VPS54: variants seen among roughly 807,000 people sequenced by gnomAD.
The protein encoded by VPS54 is vacuolar protein sorting-associated protein 54.
A neutral mutation model predicts 121.5 loss-of-function variants in VPS54; 45 were observed. The observed-to-expected ratio is 0.37, with a 90% confidence interval of 0.29 to 0.47. The LOEUF (loss-of-function observed/expected upper bound fraction) is 0.47, where lower values mean the gene tolerates loss of function less well. Among genes scored for constraint, VPS54 ranks in the 20% least tolerant of loss-of-function variants. VPS54 has a pLI of 0.99. For synonymous variants in VPS54, 371 were observed against 385.8 expected, an observed-to-expected ratio of 0.96 and a Z score of 0.45; for missense variants, 1,090 against 1,131.4, an observed-to-expected ratio of 0.96 and a Z score of 0.52.
chr2:63,975,439 C>A (rs900654826), intron 3 of VPS54: 5 of 160,234 alleles, frequency 3.1e-5, no homozygotes, highest in Non-Finnish European at 5.5e-5. Context: ...GTTTAGGAGT[C>A]GAGTCATGCA....
intron 1 of VPS54, among the ~76,000 whole-genome samples, chr2:63,986,067 T>G (rs1677037031): frequency 6.6e-6 from 1 of 152,194 alleles, no homozygotes. Context: ...CAAAAAACAT[T>G]TTTGAAACTT....
chr2:64,005,047 GT>G (rs1343233894), intron 1 of VPS54, among the ~76,000 whole-genome samples: 2 of 141,998 alleles, frequency 1.4e-5, no homozygotes, highest in East Asian at 4.5e-4. Context: ...CAGAGTGCTG[GT>G]ATTACAGGCA....
chr2:63,940,990 G>A (rs1674700095), intron 11 of VPS54, among the ~76,000 whole-genome samples: 1 of 152,158 alleles, frequency 6.6e-6, no homozygotes, highest in Admixed American at 6.5e-5. Flanking sequence ...TGATTGGAGA[G>A]CTTACACATG....
intron 1 of VPS54, among the ~76,000 whole-genome samples, chr2:64,002,489 T>C (rs950166757): frequency 6.6e-6 from 1 of 152,216 alleles, no homozygotes; most frequent in Non-Finnish European, 1.5e-5. Flanking sequence ...GTGGAAAATG[T>C]ATTTATGTTA....
Position 63,897,555 on chromosome 2 carries a change from G to C in VPS54, c.2769C>G (p.Leu923=), listed in dbSNP as rs773008076. The C allele has an allele frequency of 2.5e-6, 4 of 1,595,670 alleles. No individual in the cohort carries two copies. The highest frequency in any genetic ancestry group is 3.4e-6 in the Non-Finnish European group (4 of 1,171,152). ...AGTGAGATAACTGCTTTTTCAAGTG[G>C]AGTTTATAACTTGCATTAATTCTTA... ...LFLRINASYK[L]HLKKQLSHLN... Residue 923 remains leucine (L), a synonymous_variant, in exon 22 of 23, where the codon CTC becomes CTG. Transcript: ENST00000272322.
At chr2:63,998,512 T>A (rs1382787919) in intron 1 of VPS54, among the ~76,000 whole-genome samples, 1 of 152,152 alleles carries the variant, frequency 6.6e-6, no homozygotes, top group Admixed American at 6.5e-5. Context: ...TAAAGGTGAT[T>A]TTTTTCTGGT....
chr2:63,933,796 T>C lies in VPS54; in HGVS notation c.1616A>G (p.Asn539Ser). Residue 539 changes from asparagine to serine, a missense_variant, in exon 12 of 23, where the codon AAT becomes AGT. Physicochemically the swap from Asn to Ser is conservative, Grantham distance 46 (BLOSUM62 1). Coordinates refer to ENST00000272322, the MANE Select transcript of VPS54 (RefSeq NM_016516.3). ...PIAVDTTSQR[N>S]ASPNSEPCSS... Reference sequence around the variant, plus strand: ...GCAGGGCTCACTATTTGGAGATGCATTTCTTTGAGAGGTAGTGTCAACTGC... The same window carrying C: ...GCAGGGCTCACTATTTGGAGATGCACTTCTTTGAGAGGTAGTGTCAACTGC... 3 of 1,613,930 alleles carry C rather than the reference T, an allele frequency of 1.9e-6. No individual in the cohort carries two copies. Among genetic ancestry groups the C allele is most frequent in the Non-Finnish European group, 2.5e-6 (3 of 1,179,868 alleles).
At chr2:63,996,154 T>C (rs58198691) in intron 1 of VPS54, among the ~76,000 whole-genome samples, 11,084 of 152,254 alleles carry the variant, frequency 0.073, 855 homozygotes, top group African/African-American at 0.2. Context: ...TCAGGGACCC[T>C]GAACGGAGGG....
intron 1 of VPS54, among the ~76,000 whole-genome samples, chr2:64,002,856 T>C (rs1677951088): frequency 6.6e-6 from 1 of 152,318 alleles, no homozygotes; most frequent in African/African-American, 2.4e-5. Context: ...AGTCCCAGTT[T>C]CCAAACATTT....
intron 12 of VPS54, among the ~76,000 whole-genome samples, chr2:63,923,567 T>A (rs896855699): frequency 6.6e-6 from 1 of 152,208 alleles, no homozygotes; most frequent in African/African-American, 2.4e-5. Flanking sequence ...TATATACATA[T>A]ACATCTTGTA....
intron 4 of VPS54, among the ~76,000 whole-genome samples, chr2:63,971,433 A>G (rs1308529417): frequency 6.6e-6 from 1 of 152,208 alleles, no homozygotes; most frequent in Non-Finnish European, 1.5e-5. Context: ...GTTCTTCATG[A>G]TCTGACCACT....
intron 12 of VPS54, among the ~76,000 whole-genome samples, chr2:63,927,094 G>C (rs1307615728): frequency 6.6e-6 from 1 of 152,168 alleles, no homozygotes. Flanking sequence ...CTGAACAAAA[G>C]GCAGCAGACA....
chr2:63,975,805 A>C (rs1676497739), intron 3 of VPS54, among the ~76,000 whole-genome samples: 1 of 152,230 alleles, frequency 6.6e-6, no homozygotes, highest in Admixed American at 6.5e-5. Context: ...TTCTCTATTG[A>C]AATTCCCCTG....
chr2:63,940,389 G>A (rs1049924357), intron 11 of VPS54, among the ~76,000 whole-genome samples: 7 of 152,256 alleles, frequency 4.6e-5, no homozygotes, highest in African/African-American at 1.7e-4. Context: ...ATGTGAAAAT[G>A]AGAAATTACA....
Position 63,960,812 on chromosome 2 carries a change from G to T in VPS54, c.1010+1246C>A, listed in dbSNP as rs188397615. Among the ~76,000 whole-genome samples the T allele has an allele frequency of 1.5e-3, 225 of 152,168 alleles. 1 individual carries two copies. The highest frequency in any genetic ancestry group is 4.8e-3 in the African/African-American group (200 of 41,510). On this transcript the variant is annotated intron_variant, in intron 7 of 22. Transcript: ENST00000272322. ...AGGAAAAATTAAAAATAATTTAGTT[G>T]CCCTGGGTTCCATGCTGGGGAATTC...
intron 1 of VPS54, among the ~76,000 whole-genome samples, chr2:63,991,922 T>C (rs1475871206): frequency 1.3e-5 from 2 of 152,246 alleles, no homozygotes; most frequent in African/African-American, 4.8e-5. Context: ...TCGATCTCTG[T>C]AGCACTATTC....
At chr2:63,989,939 T>A (rs930010982) in intron 1 of VPS54, among the ~76,000 whole-genome samples, 2 of 152,208 alleles carry the variant, frequency 1.3e-5, no homozygotes, top group African/African-American at 4.8e-5. Flanking sequence ...GGAAAAATAC[T>A]GTCCTTGGTT....
chr2:63,931,393 A>G (rs538009097), intron 12 of VPS54, among the ~76,000 whole-genome samples: 1 of 152,200 alleles, frequency 6.6e-6, no homozygotes, highest in Non-Finnish European at 1.5e-5. Flanking sequence ...TGACACATAC[A>G]AGCAATGGGG....
chr2:63,956,560 A>G (rs1324913613), intron 7 of VPS54, among the ~76,000 whole-genome samples: 3 of 152,196 alleles, frequency 2.0e-5, no homozygotes, highest in Non-Finnish European at 2.9e-5. Flanking sequence ...TTGAGGCCCC[A>G]TAAGATCCTC....
Sources: allele counts gnomAD v4.1 joint callset (sites outside exome capture counted in the v4.1 genomes callset), GRCh38; gene constraint gnomAD v4.1.1; transcripts MANE v1.5; gene names NCBI Gene and HGNC (gene_info 2026-07-23, HGNC 2026-07-21).